Variants in SLC44A1 observed in about 807,000 individuals in gnomAD.
SLC44A1 encodes the protein solute carrier family 44 member 1.
SLC44A1 carries 26 observed loss-of-function variants against 79.3 expected under a neutral mutation model. The ratio of observed to expected loss-of-function variants is 0.33; its 90% CI spans 0.24 to 0.46. The LOEUF is 0.46. SLC44A1 is among the 20% of genes least tolerant of loss of function. The probability of loss-of-function intolerance (pLI) is 1.00; values close to 1 mark genes in which losing one functional copy is unlikely to be tolerated. For missense variants in SLC44A1, 688 were observed against 798.1 expected (o/e 0.86, Z 1.66); for synonymous variants, 263 against 286.2 (o/e 0.92, Z 0.82).
chr9:105,381,938 G>A (rs1158876647), intron 13 of SLC44A1, among the ~76,000 whole-genome samples: 1 of 152,186 alleles, frequency 6.6e-6, no homozygotes, highest in East Asian at 1.9e-4. Flanking sequence ...GACAAGAAGA[G>A]GCTGCCATGA....
At chr9:105,302,620 G>C (rs1830909444) in intron 2 of SLC44A1, among the ~76,000 whole-genome samples, 1 of 151,386 alleles carries the variant, frequency 6.6e-6, no homozygotes, top group African/African-American at 2.4e-5. Context: ...CCAAAGTGCT[G>C]GAATTACCGG....
At chr9:105,261,269 C>T (rs184837863) in intron 1 of SLC44A1, among the ~76,000 whole-genome samples, 31 of 152,220 alleles carry the variant, frequency 2.0e-4, no homozygotes, top group East Asian at 3.9e-4. Flanking sequence ...CAGCACTGGA[C>T]GATAGATTTA....
At chr9:105,379,525 C>A (rs1828397121) in intron 13 of SLC44A1, among the ~76,000 whole-genome samples, 1 of 152,116 alleles carries the variant, frequency 6.6e-6, no homozygotes, top group Non-Finnish European at 1.5e-5. Context: ...CTATTTCTTA[C>A]AACTGCATGT....
chr9:105,335,541 A>G, intron 3 of SLC44A1, 22 bp from the exon 4 acceptor site: 1 of 1,599,142 alleles, frequency 6.3e-7, no homozygotes, highest in South Asian at 1.1e-5. Context: ...GTAATATCTC[A>G]GTTTTTTTCT....
intron 12 of SLC44A1, among the ~76,000 whole-genome samples, chr9:105,370,845 T>C (rs896507710): frequency 5.9e-5 from 9 of 152,194 alleles, no homozygotes; most frequent in Non-Finnish European, 1.2e-4. Flanking sequence ...CATAAGCTAG[T>C]ACCTAGTTGA....
intron 10 of SLC44A1, among the ~76,000 whole-genome samples, chr9:105,365,203 G>A (rs1248389249): frequency 6.6e-6 from 1 of 152,108 alleles, no homozygotes; most frequent in Admixed American, 6.5e-5. Flanking sequence ...GACCCCATAA[G>A]TATTCACTAA....
intron 13 of SLC44A1, among the ~76,000 whole-genome samples, chr9:105,381,309 G>T (rs1564039858): frequency 6.6e-6 from 1 of 152,036 alleles, no homozygotes; most frequent in Non-Finnish European, 1.5e-5. Flanking sequence ...GGAGGCCCTG[G>T]CGGGCGGATC....
At chr9:105,382,586 G>A (rs1302352687) in intron 13 of SLC44A1, among the ~76,000 whole-genome samples, 4 of 152,146 alleles carry the variant, frequency 2.6e-5, no homozygotes, top group Non-Finnish European at 5.9e-5. Context: ...TAAGAGAATG[G>A]TTACATGTAT....
Position 105,395,345 on chromosome 9 carries a change from A to C in SLC44A1, c.*6289A>C. 2.7e-6 allele frequency: 1 copy of C among 370,078 alleles called. No individual in the cohort carries two copies. The highest frequency in any genetic ancestry group is 3.7e-6 in the Non-Finnish European group (1 of 267,508). The allele number at this position is 370,078 out of a possible 1,614,324, so 22.9% of individuals were successfully genotyped here. A position where few individuals can be genotyped will look rare whatever the true frequency, so the allele number is the denominator to read the frequency against. On this transcript the variant is annotated 3_prime_UTR_variant, in exon 16 of 16. Transcript: ENST00000374720. Reference sequence around the variant, plus strand: ...GTGATTCTCCTGCATCAGCCTCCTGAGTAGCTGGGACCACAGGCATGTGCC... The same window carrying C: ...GTGATTCTCCTGCATCAGCCTCCTGCGTAGCTGGGACCACAGGCATGTGCC...
intron 1 of SLC44A1, among the ~76,000 whole-genome samples, chr9:105,296,833 G>A (rs1207452431): frequency 6.6e-6 from 1 of 152,068 alleles, no homozygotes; most frequent in Admixed American, 6.6e-5. Flanking sequence ...AAATTATTTT[G>A]CAGTTTTTCC....
intron 11 of SLC44A1, 115 bp downstream of exon 11, chr9:105,365,754 T>G: frequency 9.1e-7 from 1 of 1,101,310 alleles, no homozygotes; most frequent in Non-Finnish European, 1.3e-6. Flanking sequence ...TCAAAGTCTT[T>G]ACAAGGCAAA....
At chr9:105,267,538 A>T (rs138721122) in intron 1 of SLC44A1, among the ~76,000 whole-genome samples, 1 of 152,034 alleles carries the variant, frequency 6.6e-6, no homozygotes, top group Non-Finnish European at 1.5e-5. Context: ...TCCTTAATTT[A>T]CCTTTCAGTA....
chr9:105,266,711 T>C (rs1829970911), intron 1 of SLC44A1, among the ~76,000 whole-genome samples: 2 of 152,354 alleles, frequency 1.3e-5, no homozygotes, highest in South Asian at 4.1e-4. Flanking sequence ...ATTGTGGCTT[T>C]ATAGTATATA....
At chr9:105,312,253 A>G (rs1322156138) in intron 3 of SLC44A1, among the ~76,000 whole-genome samples, 2 of 151,976 alleles carry the variant, frequency 1.3e-5, no homozygotes, top group East Asian at 1.9e-4. Flanking sequence ...GCTAAACTCT[A>G]CTCATCCTTC....
chr9:105,339,917 A>G (rs1250581378), intron 4 of SLC44A1, among the ~76,000 whole-genome samples: 1 of 152,222 alleles, frequency 6.6e-6, no homozygotes, highest in African/African-American at 2.4e-5. Flanking sequence ...AGAATGTCAT[A>G]TGCTACAACT....
In SLC44A1 at chr9:105,304,992, T is replaced by G. The variant is rs560157200; in HGVS notation, c.127-4732T>G. ...TTTTTTTTTTTTTTTTTTTTCAGAG[T>G]CAAGGTCTCACTCTATTGCCCAGGC... On this transcript the variant is annotated intron_variant, in intron 2 of 15. Coordinates refer to ENST00000374720, the MANE Select transcript of SLC44A1 (RefSeq NM_080546.5). Among the ~76,000 whole-genome samples the G allele has an allele frequency of 4.6e-5, 5 of 108,162 alleles. No homozygotes were observed. In the South Asian group the frequency reaches 1.8e-3, roughly 38 times the overall value. 71.0% of individuals were successfully genotyped at this position (108,162 alleles called of 152,430 possible).
At chr9:105,320,376 T>A (rs1395606639) in intron 3 of SLC44A1, among the ~76,000 whole-genome samples, 1 of 151,450 alleles carries the variant, frequency 6.6e-6, no homozygotes, top group Non-Finnish European at 1.5e-5. Context: ...TCATTACTCT[T>A]GAAGAGTTAG....
chr9:105,281,638 C>A (rs1259690403), intron 1 of SLC44A1, among the ~76,000 whole-genome samples: 1 of 152,088 alleles, frequency 6.6e-6, no homozygotes. Flanking sequence ...TGACATAGGG[C>A]TTCCATCAGG....
At chr9:105,344,285 G>C (rs1023619807) in intron 4 of SLC44A1, among the ~76,000 whole-genome samples, 1 of 152,064 alleles carries the variant, frequency 6.6e-6, no homozygotes, top group Non-Finnish European at 1.5e-5. Context: ...TCTTTGTTTT[G>C]TATCTTTATT....
Sources: gnomAD v4.1 joint callset for allele counts (sites outside exome capture counted in the v4.1 genomes callset) on GRCh38, gnomAD v4.1.1 for gene constraint, MANE v1.5 for transcripts, NCBI Gene and HGNC (gene_info 2026-07-23, HGNC 2026-07-21) for gene names.